ITFG1: variants seen among roughly 807,000 people sequenced by gnomAD.
ITFG1 encodes the protein integrin alpha FG-GAP repeat containing 1, also known as T-cell immunomodulatory protein.
Under a neutral mutation model 81.8 loss-of-function variants are expected in ITFG1, and 34 were observed. That is an observed-to-expected ratio of 0.42 (90% CI 0.32 to 0.55). ITFG1 has a LOEUF of 0.55. Ranked by LOEUF, ITFG1 falls within the 20% of genes least tolerant of loss-of-function variation. The pLI is 0.17. For synonymous variants in ITFG1, 285 were observed against 270.6 expected (o/e 1.05, Z -0.52); for missense variants, 672 against 755.4 (o/e 0.89, Z 1.29).
chr16:47,437,822 C>G (rs1489856304), intron 5 of ITFG1, among the ~76,000 whole-genome samples: 3 of 152,242 alleles, frequency 2.0e-5, no homozygotes, highest in Non-Finnish European at 4.4e-5. Flanking sequence ...CCGGGTACAT[C>G]TCACTGGGGA....
chr16:47,204,801 T>C (rs906950971), intron 14 of ITFG1, among the ~76,000 whole-genome samples: 4 of 152,316 alleles, frequency 2.6e-5, no homozygotes, highest in African/African-American at 7.2e-5. Context: ...TATATGGACA[T>C]TGGAAGAAGA....
intron 6 of ITFG1, among the ~76,000 whole-genome samples, chr16:47,426,925 A>G (rs1210931482): frequency 6.6e-6 from 1 of 152,216 alleles, no homozygotes; most frequent in Non-Finnish European, 1.5e-5. Context: ...AGTACATTAT[A>G]TAAAAATGTA....
At chr16:47,233,116 G>C (rs765516690) in intron 13 of ITFG1, among the ~76,000 whole-genome samples, 54 of 152,282 alleles carry the variant, frequency 3.5e-4, no homozygotes, top group Middle Eastern at 3.4e-3. Flanking sequence ...TGCAAGGAGA[G>C]CTTCCAGTTT....
chr16:47,355,786 G>A (rs1283821215), intron 8 of ITFG1, among the ~76,000 whole-genome samples: 1 of 151,724 alleles, frequency 6.6e-6, no homozygotes, highest in African/African-American at 2.4e-5. Flanking sequence ...TATTTTTTCT[G>A]GAATCCATAA....
chr16:47,379,352 C>T (rs1968366183), intron 6 of ITFG1, among the ~76,000 whole-genome samples: 2 of 152,140 alleles, frequency 1.3e-5, no homozygotes, highest in Non-Finnish European at 2.9e-5. Context: ...ACCCAACCAA[C>T]AATAGTTGAT....
At chr16:47,380,083 C>T (rs934012712) in intron 6 of ITFG1, among the ~76,000 whole-genome samples, 2 of 150,328 alleles carry the variant, frequency 1.3e-5, no homozygotes, top group African/African-American at 4.9e-5. Flanking sequence ...GTTCTCACAT[C>T]CCACACCAAA....
chr16:47,396,195 C>T (rs1567485418), intron 6 of ITFG1: 4 of 984,646 alleles, frequency 4.1e-6, no homozygotes, highest in Non-Finnish European at 4.8e-6. Flanking sequence ...AGTTAATCGG[C>T]TGCAACTCAG....
chr16:47,381,327 T>C (rs57543382), intron 6 of ITFG1, among the ~76,000 whole-genome samples: 10,480 of 152,220 alleles, frequency 0.069, 605 homozygotes, highest in African/African-American at 0.15. Context: ...TATCCTTCAG[T>C]GTGATGTCTC....
chr16:47,371,977 G>A (rs776743591), intron 7 of ITFG1, among the ~76,000 whole-genome samples: 1 of 149,816 alleles, frequency 6.7e-6, no homozygotes, highest in African/African-American at 2.5e-5. Context: ...ACAGTGGTGC[G>A]ATCTCGGCTC....
chr16:47,369,609 T>C lies in ITFG1; in HGVS notation c.721-3740A>G, dbSNP rs12103345. Among the ~76,000 whole-genome samples, 855 of 152,284 alleles carry C rather than the reference T, an allele frequency of 5.6e-3. 8 individuals are homozygous for C. Among genetic ancestry groups the C allele is most frequent in the African/African-American group, 0.019 (783 of 41,564 alleles). On this transcript the variant is annotated intron_variant, in intron 7 of 17. Coordinates refer to ENST00000320640, the MANE Select transcript of ITFG1 (RefSeq NM_030790.5). ...CTTTTGGATTGGAATCTCCACCTAT[T>C]TGTATATTTATGTTCTTTAGTATGA...
chr16:47,248,700 T>C (rs1306383880), intron 12 of ITFG1, among the ~76,000 whole-genome samples: 1 of 152,224 alleles, frequency 6.6e-6, no homozygotes, highest in Non-Finnish European at 1.5e-5. Context: ...CAAGGCTGAA[T>C]TTACTATGAT....
intron 6 of ITFG1, among the ~76,000 whole-genome samples, chr16:47,422,911 G>A (rs928522130): frequency 1.3e-5 from 2 of 152,150 alleles, no homozygotes; most frequent in Non-Finnish European, 2.9e-5. Context: ...TTGATTTGGG[G>A]TGGACAGTTC....
At chr16:47,309,389 G>C (rs1203219325) in intron 10 of ITFG1, among the ~76,000 whole-genome samples, 3 of 152,154 alleles carry the variant, frequency 2.0e-5, no homozygotes, top group Non-Finnish European at 4.4e-5. Flanking sequence ...AACTTCTATA[G>C]TACCAGTGTT....
chr16:47,348,707 G>A (rs1456354092), intron 8 of ITFG1, among the ~76,000 whole-genome samples: 2 of 152,054 alleles, frequency 1.3e-5, no homozygotes, highest in Non-Finnish European at 2.9e-5. Context: ...GAAATACAGA[G>A]AACACCACAA....
At chr16:47,156,138 T>A (rs1161670979) in intron 17 of ITFG1, among the ~76,000 whole-genome samples, 1 of 152,172 alleles carries the variant, frequency 6.6e-6, no homozygotes, top group Non-Finnish European at 1.5e-5. Context: ...ATGATGTTAA[T>A]AAACAAATCT....
At chr16:47,276,076 A>G (rs985954759) in intron 10 of ITFG1, among the ~76,000 whole-genome samples, 13 of 152,142 alleles carry the variant, frequency 8.5e-5, no homozygotes, top group Non-Finnish European at 1.5e-4. Context: ...AAGACTAAAA[A>G]AGAAAGAAGA....
At chr16:47,231,957 G>A (rs1363817017) in intron 13 of ITFG1, among the ~76,000 whole-genome samples, 1 of 152,204 alleles carries the variant, frequency 6.6e-6, no homozygotes, top group African/African-American at 2.4e-5. Context: ...ATAGGAGAAA[G>A]AGGAAGGCAG....
intron 12 of ITFG1, chr16:47,238,282 C>T (rs1326510153): frequency 4.4e-6 from 1 of 228,582 alleles, no homozygotes; most frequent in African/African-American, 2.3e-5. Context: ...TAAAATAGAA[C>T]CTGTTGGTTC....
intron 17 of ITFG1, chr16:47,157,512 A>G (rs1275362124): frequency 6.6e-6 from 1 of 152,190 alleles, no homozygotes; most frequent in Non-Finnish European, 1.5e-5. Context: ...CTGTAATCAG[A>G]TCTACTGAGG....
Sources: allele counts gnomAD v4.1 joint callset (sites outside exome capture counted in the v4.1 genomes callset), GRCh38; gene constraint gnomAD v4.1.1; transcripts MANE v1.5; gene names NCBI Gene and HGNC (gene_info 2026-07-23, HGNC 2026-07-21).